Variants in SEC24B observed in about 807,000 individuals in gnomAD.
The protein encoded by SEC24B is SEC24 homolog B, COPII component.
A neutral mutation model predicts 142.8 loss-of-function variants in SEC24B; 45 were observed. The ratio of observed to expected loss-of-function variants is 0.32; its 90% CI spans 0.25 to 0.40. The LOEUF is 0.40. SEC24B is among the 10% of genes least tolerant of loss of function. The pLI, the probability that SEC24B is intolerant of heterozygous loss-of-function variation, is 1.00. For missense variants in SEC24B, 1,409 were observed against 1,526.8 expected, an observed-to-expected ratio of 0.92 and a Z score of 1.29; for synonymous variants, 574 against 568.2, an observed-to-expected ratio of 1.01 and a Z score of -0.15.
At chr4:109,468,978 T>C (rs755952535) in intron 2 of SEC24B, among the ~76,000 whole-genome samples, 6 of 152,168 alleles carry the variant, frequency 3.9e-5, no homozygotes, top group Non-Finnish European at 7.4e-5. Flanking sequence ...TCTAAGTAAC[T>C]AACAGGGAAC....
chr4:109,435,848 T>C (rs561101146), intron 1 of SEC24B, among the ~76,000 whole-genome samples: 5 of 152,244 alleles, frequency 3.3e-5, no homozygotes, highest in Middle Eastern at 3.4e-3. Context: ...AATGTTTGAA[T>C]TGGTTCTGGC....
At chr4:109,493,693 A>G (rs1360667208) in intron 5 of SEC24B, among the ~76,000 whole-genome samples, 2 of 151,380 alleles carry the variant, frequency 1.3e-5, no homozygotes, top group Non-Finnish European at 2.9e-5. Flanking sequence ...CAATGGCGCA[A>G]TCTCGGCTCA....
chr4:109,487,520 A>G (rs1239851935), intron 4 of SEC24B, among the ~76,000 whole-genome samples: 10 of 152,346 alleles, frequency 6.6e-5, no homozygotes, highest in African/African-American at 2.4e-4. Flanking sequence ...TTTACACCTT[A>G]TTCACTAAGA....
chr4:109,472,566 C>A (rs1003683140), intron 2 of SEC24B, among the ~76,000 whole-genome samples: 5 of 151,788 alleles, frequency 3.3e-5, no homozygotes, highest in Admixed American at 1.3e-4. Context: ...ATTCAGAGAC[C>A]ACATTATTGC....
chr4:109,531,350 A>G (rs772945028), intron 19 of SEC24B, 35 bp from the exon 20 acceptor site: 6 of 1,561,578 alleles, frequency 3.8e-6, no homozygotes, highest in Non-Finnish European at 5.2e-6. Context: ...CCATATTTGT[A>G]TTTTACTTGA....
intron 3 of SEC24B, among the ~76,000 whole-genome samples, chr4:109,475,713 A>G (rs1449599269): frequency 6.6e-6 from 1 of 152,102 alleles, no homozygotes; most frequent in Non-Finnish European, 1.5e-5. Context: ...GATACCTACC[A>G]TCGTCCTTTT....
chr4:109,479,994 G>GATTTT (rs990213106), intron 3 of SEC24B, among the ~76,000 whole-genome samples: 15 of 152,020 alleles, frequency 9.9e-5, no homozygotes, highest in South Asian at 2.1e-4. Context: ...ATTTTACATT[G>GATTTT]ATTTTATTTT....
In SEC24B at chr4:109,521,570, T is replaced by G; in HGVS notation, c.2452T>G (p.Leu818Val). ...VSVFQTQLPS[L>V]GAGLLQSRED... is the part of the protein sequence containing the mutation. ...TGTATTTCAGACACAGTTACCTTCC[T>G]TGGGTGCAGGACTTCTGCAATCCAG... is the stretch of plus-strand genomic sequence containing the variant. Residue 818 changes from leucine (L) to valine (V), a missense_variant, in exon 14 of 24, where the codon TTG becomes GTG. By Grantham distance (32) the Leu-to-Val change is conservative (BLOSUM62 1). This residue lies in a region of SEC24B where 700 missense variants were observed against 853.3 expected (regional missense o/e 0.82). Transcript: ENST00000265175. 1 of 1,614,096 alleles carries G rather than the reference T, an allele frequency of 6.2e-7. No homozygotes were observed. Among genetic ancestry groups the G allele is most frequent in the Non-Finnish European group, 8.5e-7 (1 of 1,179,990 alleles).
chr4:109,463,119 A>AGCAGGG lies in SEC24B; in HGVS notation c.354_359dup (p.Arg119_Gly120dup), dbSNP rs774922869. The AGCAGGG allele has an allele frequency of 2.5e-6, 4 of 1,614,190 alleles. No homozygotes were observed. In the South Asian group the frequency reaches 4.4e-5, roughly 18 times the overall value. On this transcript the variant is annotated inframe_insertion, in exon 2 of 24. Coordinates refer to ENST00000265175, the MANE Select transcript of SEC24B (RefSeq NM_006323.5). ...GCAACCAGGAGCACAGCAGTTGTAC[A>AGCAGGG]GCAGGGGTCCTCCTGCCCCTCATAT...
intron 5 of SEC24B, among the ~76,000 whole-genome samples, chr4:109,492,077 G>T (rs914668167): frequency 1.3e-4 from 19 of 150,318 alleles, no homozygotes; most frequent in African/African-American, 4.7e-4. Flanking sequence ...AAGCAGTTTT[G>T]CCCTTCTTTT....
At chr4:109,463,782 T>C (rs10002595) in intron 2 of SEC24B, 138 bp downstream of exon 2, 263,092 of 1,343,900 alleles carry the variant, frequency 0.2, 36,661 homozygotes, top group African/African-American at 0.72. Flanking sequence ...TGGCTTTTTG[T>C]AGCACCTCTT....
chr4:109,476,509 A>G lies in SEC24B; in HGVS notation c.1060+3323A>G, dbSNP rs188158163. 2.7e-3 allele frequency among the ~76,000 whole-genome samples: 343 copies of G among 126,872 alleles called. 3 individuals are homozygous for G. Among genetic ancestry groups the G allele is most frequent in the Admixed American group, 0.02 (287 of 14,130 alleles). The allele number at this position is 126,872 out of a possible 152,430, so 83.2% of individuals were successfully genotyped here. ...TTTCATTCTTAGTTTTTATTTTCAT[A>G]CATATAATTGCTGAGAAACATTGTT... On this transcript the variant is annotated intron_variant, in intron 3 of 23. Coordinates refer to ENST00000265175, the MANE Select transcript of SEC24B (RefSeq NM_006323.5).
intron 4 of SEC24B, among the ~76,000 whole-genome samples, chr4:109,485,213 C>G (rs981921620): frequency 1.3e-5 from 2 of 152,198 alleles, no homozygotes; most frequent in Non-Finnish European, 2.9e-5. Context: ...GCTGTCATTA[C>G]CAGCATTGAG....
chr4:109,526,190 T>TGTTA (rs1561180073), intron 16 of SEC24B, 36 bp from the exon 17 acceptor site: 1 of 1,597,422 alleles, frequency 6.3e-7, no homozygotes, highest in Non-Finnish European at 8.6e-7. Context: ...AAGATACTAT[T>TGTTA]GTTAACTTGA....
At chr4:109,457,929 C>G (rs1730848597) in intron 1 of SEC24B, among the ~76,000 whole-genome samples, 1 of 152,186 alleles carries the variant, frequency 6.6e-6, no homozygotes, top group Non-Finnish European at 1.5e-5. Context: ...AGGCAATAAT[C>G]ACACTTTTCC....
intron 23 of SEC24B, 142 bp from the exon 24 acceptor site, chr4:109,539,419 T>G: frequency 1.6e-6 from 1 of 637,682 alleles, no homozygotes; most frequent in South Asian, 1.8e-5. Context: ...TTTTAAAATA[T>G]ATACTATTTT....
intron 1 of SEC24B, among the ~76,000 whole-genome samples, chr4:109,450,222 T>C (rs1275942357): frequency 1.3e-5 from 2 of 151,592 alleles, no homozygotes; most frequent in Non-Finnish European, 2.9e-5. Context: ...CTTAAAAATG[T>C]AGGGAAAAAA....
At chr4:109,528,430 CAAA>C (rs35976480) in intron 18 of SEC24B, among the ~76,000 whole-genome samples, 5 of 78,244 alleles carry the variant, frequency 6.4e-5, no homozygotes, top group East Asian at 4.3e-4. Flanking sequence ...GACTGCATCT[CAAA>C]AAAAAAAAAA....
intron 6 of SEC24B, among the ~76,000 whole-genome samples, chr4:109,503,280 A>G (rs1431234458): frequency 3.6e-5 from 5 of 138,536 alleles, no homozygotes; most frequent in Non-Finnish European, 6.2e-5. Flanking sequence ...CTGGAGTGCA[A>G]TGGCTCGATC....
Sources: allele counts gnomAD v4.1 joint callset (sites outside exome capture counted in the v4.1 genomes callset), GRCh38; gene constraint gnomAD v4.1.1; regional missense constraint gnomAD v4.1.1; transcripts MANE v1.5; gene names NCBI Gene and HGNC (gene_info 2026-07-23, HGNC 2026-07-21).